Variants in MKLN1 observed in about 807,000 individuals in gnomAD.
The protein encoded by MKLN1 is muskelin 1, also known as muskelin.
A neutral mutation model predicts 99.0 loss-of-function variants in MKLN1; 18 were observed. That is an observed-to-expected ratio of 0.18 (90% CI 0.13 to 0.27). The LOEUF is 0.27. Among genes scored for constraint, MKLN1 ranks in the 10% least tolerant of loss-of-function variants. The probability of loss-of-function intolerance (pLI) is 1.00; values close to 1 mark genes in which losing one functional copy is unlikely to be tolerated. For missense variants in MKLN1, 621 were observed against 875.9 expected (o/e 0.71, Z 3.67); for synonymous variants, 288 against 293.2 (o/e 0.98, Z 0.18).
intron 5 of MKLN1, among the ~76,000 whole-genome samples, chr7:131,397,719 A>G (rs974209739): frequency 5.3e-5 from 8 of 152,132 alleles, no homozygotes; most frequent in Non-Finnish European, 1.0e-4. Context: ...CTTTTATGTT[A>G]TTATACCCAT....
chr7:131,128,204 T>A (rs114034759), intron 1 of MKLN1, among the ~76,000 whole-genome samples: 11,541 of 126,798 alleles, frequency 0.091, 539 homozygotes, highest in Admixed American at 0.18. Context: ...CGCCTCTGAT[T>A]CAAAAAAAAA....
intron 3 of MKLN1, among the ~76,000 whole-genome samples, chr7:131,254,864 G>C (rs762616470): frequency 2.0e-5 from 3 of 151,332 alleles, no homozygotes; most frequent in East Asian, 3.9e-4. Context: ...AGAGAGAGAG[G>C]AGCGGAAAAA....
intron 3 of MKLN1, among the ~76,000 whole-genome samples, chr7:131,247,741 T>C (rs1369329774): frequency 3.9e-5 from 6 of 152,236 alleles, no homozygotes; most frequent in African/African-American, 7.2e-5. Flanking sequence ...TTTATTTCTA[T>C]AGTAGAAGTT....
At chr7:131,256,838 A>C (rs1797664982) in intron 3 of MKLN1, among the ~76,000 whole-genome samples, 2 of 152,148 alleles carry the variant, frequency 1.3e-5, no homozygotes, top group African/African-American at 2.4e-5. Flanking sequence ...GGGTTGAAAA[A>C]CTACCTATCA....
At chr7:131,290,153 A>G (rs968694408) in intron 3 of MKLN1, among the ~76,000 whole-genome samples, 3 of 152,096 alleles carry the variant, frequency 2.0e-5, no homozygotes, top group African/African-American at 7.2e-5. Flanking sequence ...TAAAAATACA[A>G]AATTAGCCAG....
intron 3 of MKLN1, among the ~76,000 whole-genome samples, chr7:131,315,249 G>A (rs1798643359): frequency 6.6e-6 from 1 of 152,008 alleles, no homozygotes; most frequent in South Asian, 2.1e-4. Flanking sequence ...TGGTTAGACA[G>A]TGGGTGCAAC....
At chr7:131,140,833 G>T (rs989551169) in intron 1 of MKLN1, among the ~76,000 whole-genome samples, 1 of 151,926 alleles carries the variant, frequency 6.6e-6, no homozygotes, top group Non-Finnish European at 1.5e-5. Flanking sequence ...AGGCTGGAGG[G>T]CAGTGGCACG....
chr7:131,218,798 C>T (rs557131375), intron 3 of MKLN1, among the ~76,000 whole-genome samples: 3 of 152,294 alleles, frequency 2.0e-5, no homozygotes, highest in Admixed American at 6.5e-5. Flanking sequence ...CCCCGACCCC[C>T]GACCTCTACC....
At chr7:131,329,310 A>G (rs1193583039) in intron 1 of MKLN1, among the ~76,000 whole-genome samples, 1 of 152,208 alleles carries the variant, frequency 6.6e-6, no homozygotes, top group Non-Finnish European at 1.5e-5. Context: ...GGCCCAATGA[A>G]GGGTGCCAAG....
intron 3 of MKLN1, among the ~76,000 whole-genome samples, chr7:131,206,434 G>A (rs1796810436): frequency 1.3e-5 from 2 of 151,968 alleles, no homozygotes; most frequent in South Asian, 4.1e-4. Flanking sequence ...CAGATGAGCA[G>A]CAGTATTAAA....
intron 1 of MKLN1, among the ~76,000 whole-genome samples, chr7:131,358,461 C>A (rs1230010872): frequency 6.6e-6 from 1 of 152,052 alleles, no homozygotes. Context: ...ATTTTTGCAT[C>A]CATATTCATA....
chr7:131,275,329 T>C (rs1452537250), intron 3 of MKLN1, among the ~76,000 whole-genome samples: 5 of 149,182 alleles, frequency 3.4e-5, no homozygotes, highest in African/African-American at 1.2e-4. Context: ...CACCTCCTAA[T>C]ACCATCACCT....
intron 12 of MKLN1, 75 bp from the exon 13 acceptor site, chr7:131,463,138 AAAAG>A (rs771630989): frequency 5.8e-5 from 73 of 1,263,242 alleles, no homozygotes; most frequent in Non-Finnish European, 7.6e-5. Context: ...AAAAAGAAAG[AAAAG>A]AAAGGAAGGA....
chr7:131,324,594 A>C (rs1361487846), upstream of MKLN1, among the ~76,000 whole-genome samples: 1 of 152,208 alleles, frequency 6.6e-6, no homozygotes, highest in Non-Finnish European at 1.5e-5. Context: ...TGCCTGAGTT[A>C]TTTACCAAGA....
intron 15 of MKLN1, among the ~76,000 whole-genome samples, chr7:131,468,053 G>A (rs555030290): frequency 6.6e-6 from 1 of 152,234 alleles, no homozygotes; most frequent in Non-Finnish European, 1.5e-5. Context: ...ATTCTCTGAG[G>A]ACCACCACCA....
At chr7:131,127,023 T>A (rs1309399217) in intron 1 of MKLN1, among the ~76,000 whole-genome samples, 1 of 151,848 alleles carries the variant, frequency 6.6e-6, no homozygotes. Flanking sequence ...AAATTAGCCA[T>A]GTGTGGTGGT....
intron 3 of MKLN1, among the ~76,000 whole-genome samples, chr7:131,317,731 T>C (rs538504278): frequency 1.1e-5 from 1 of 92,894 alleles, no homozygotes. Flanking sequence ...AAGACATACA[T>C]AGGCTCAAAA....
intron 1 of MKLN1, among the ~76,000 whole-genome samples, chr7:131,344,813 T>A (rs933849343): frequency 6.6e-6 from 1 of 152,240 alleles, no homozygotes; most frequent in African/African-American, 2.4e-5. Context: ...AAATAATTTT[T>A]TTTTTTTGAG....
intron 1 of MKLN1, among the ~76,000 whole-genome samples, chr7:131,347,151 A>G (rs531424241): frequency 2.9e-4 from 44 of 152,258 alleles, no homozygotes; most frequent in Middle Eastern, 3.4e-3. Context: ...CTACATAATA[A>G]TAGGCCTAGA....
Sources: gnomAD v4.1 joint callset for allele counts (sites outside exome capture counted in the v4.1 genomes callset) on GRCh38, gnomAD v4.1.1 for gene constraint, MANE v1.5 for transcripts, NCBI Gene and HGNC (gene_info 2026-07-23, HGNC 2026-07-21) for gene names.